The following GRID1 variants were observed in gnomAD, a reference collection of about 807,000 sequenced individuals.
GRID1 encodes glutamate ionotropic receptor delta type subunit 1.
GRID1 carries 28 observed loss-of-function variants against 98.0 expected under a neutral mutation model. The ratio of observed to expected loss-of-function variants is 0.29; its 90% CI spans 0.21 to 0.39. The LOEUF (loss-of-function observed/expected upper bound fraction) is 0.39, where lower values mean the gene tolerates loss of function less well. GRID1 is among the 10% of genes least tolerant of loss of function. The pLI, the probability that GRID1 is intolerant of heterozygous loss-of-function variation, is 1.00. For missense variants in GRID1, 1,111 were observed against 1,340.5 expected (o/e 0.83, Z 2.67); for synonymous variants, 553 against 538.5 (o/e 1.03, Z -0.37).
intron 13 of GRID1, among the ~76,000 whole-genome samples, chr10:85,632,858 C>A (rs866882193): frequency 1.3e-5 from 2 of 152,194 alleles, no homozygotes; most frequent in Non-Finnish European, 2.9e-5. Flanking sequence ...CATGCATTAA[C>A]TATTTATTCT....
Position 86,235,005 on chromosome 10 carries a change from C to T in GRID1, c.236-28357G>A, listed in dbSNP as rs79887425. Among the ~76,000 whole-genome samples, 459 of 152,312 alleles carry T rather than the reference C, an allele frequency of 3.0e-3. 6 individuals are homozygous for T. The East Asian group carries it at 0.047, about 16-fold the overall frequency. ...GCACAGTGGAGGGGAGAAAGCTCCA[C>T]GGACGTGCATGCAGATAGACTTTTT... is the stretch of plus-strand genomic sequence containing the variant. On this transcript the variant is annotated intron_variant, in intron 2 of 15. Coordinates refer to ENST00000327946, the MANE Select transcript of GRID1 (RefSeq NM_017551.3).
Position 85,723,155 on chromosome 10 carries a change from A to G in GRID1, c.1859-14T>C, listed in dbSNP as rs200651071. ...AAGATTCGCCACCTGCGGGAGGCAG[A>G]CAAAGTGGATTGGCCAGTGGCTTCT... On this transcript the variant is annotated splice_polypyrimidine_tract_variant and intron_variant, in intron 11 of 15. Transcript: ENST00000327946. 388 of 1,601,154 alleles carry G rather than the reference A, an allele frequency of 2.4e-4. No individual in the cohort carries two copies. The highest frequency in any genetic ancestry group is 3.0e-4 in the Non-Finnish European group (353 of 1,173,292).
chr10:85,953,727 T>C (rs530159167), intron 4 of GRID1, among the ~76,000 whole-genome samples: 1 of 152,330 alleles, frequency 6.6e-6, no homozygotes, highest in South Asian at 2.1e-4. Context: ...ATAGGTAGTC[T>C]CTGATGTGCA....
intron 2 of GRID1, among the ~76,000 whole-genome samples, chr10:86,342,526 G>A (rs1848323481): frequency 6.6e-6 from 1 of 152,248 alleles, no homozygotes; most frequent in South Asian, 2.1e-4. Flanking sequence ...CCAGTTAAGG[G>A]GCTGGCTGGG....
At chr10:86,025,021 C>T (rs1464983605) in intron 4 of GRID1, among the ~76,000 whole-genome samples, 2 of 152,202 alleles carry the variant, frequency 1.3e-5, no homozygotes, top group Admixed American at 1.3e-4. Context: ...CCCAACCACA[C>T]ACATGGTTTG....
At chr10:86,276,833 AG>A (rs542189892) in intron 2 of GRID1, among the ~76,000 whole-genome samples, 95 of 152,264 alleles carry the variant, frequency 6.2e-4, no homozygotes, top group African/African-American at 2.1e-3. Flanking sequence ...AAATCAAGGC[AG>A]AAAGCAGTGG....
At chr10:85,640,848 G>T (rs1466809941) in intron 13 of GRID1, among the ~76,000 whole-genome samples, 1 of 152,218 alleles carries the variant, frequency 6.6e-6, no homozygotes, top group African/African-American at 2.4e-5. Context: ...AATAAGATTT[G>T]CGGGCCCATT....
chr10:85,985,861 C>T (rs868732318), intron 4 of GRID1, among the ~76,000 whole-genome samples: 33 of 152,146 alleles, frequency 2.2e-4, no homozygotes, highest in Admixed American at 4.6e-4. Flanking sequence ...TGTGTTGTTT[C>T]CCCAAAGTCA....
At chr10:86,131,138 G>C (rs540131723) in intron 4 of GRID1, among the ~76,000 whole-genome samples, 65 of 152,214 alleles carry the variant, frequency 4.3e-4, no homozygotes, top group Non-Finnish European at 8.2e-4. Flanking sequence ...TACCAATTTA[G>C]ATAATCTCTC....
intron 15 of GRID1, among the ~76,000 whole-genome samples, chr10:85,611,072 T>C (rs534347035): frequency 6.6e-6 from 1 of 152,334 alleles, no homozygotes; most frequent in Non-Finnish European, 1.5e-5. Context: ...TAGGATGTTT[T>C]ACCGGCAAGA....
chr10:85,610,858 C>T (rs1842725026), intron 15 of GRID1, among the ~76,000 whole-genome samples: 1 of 152,202 alleles, frequency 6.6e-6, no homozygotes, highest in Non-Finnish European at 1.5e-5. Flanking sequence ...CATTTCCATG[C>T]AACCCTTCTT....
chr10:86,300,067 C>A (rs371703952), intron 2 of GRID1, among the ~76,000 whole-genome samples: 2 of 152,202 alleles, frequency 1.3e-5, no homozygotes, highest in African/African-American at 4.8e-5. Context: ...GGCCTTACAT[C>A]CAACACCTGG....
At chr10:86,071,719 G>A (rs981359816) in intron 4 of GRID1, among the ~76,000 whole-genome samples, 1 of 152,254 alleles carries the variant, frequency 6.6e-6, no homozygotes, top group South Asian at 2.1e-4. Context: ...GGGGAGGTGG[G>A]GCAAGTGCAG....
chr10:86,312,570 A>C (rs1246454110), intron 2 of GRID1, among the ~76,000 whole-genome samples: 1 of 152,252 alleles, frequency 6.6e-6, no homozygotes, highest in Non-Finnish European at 1.5e-5. Flanking sequence ...AATAGGAAGC[A>C]GTGGGTGCCA....
chr10:85,628,410 G>T (rs1842936146), intron 13 of GRID1, among the ~76,000 whole-genome samples: 1 of 151,992 alleles, frequency 6.6e-6, no homozygotes, highest in Admixed American at 6.6e-5. Context: ...ATGTGTGAGT[G>T]TATGAGTATG....
chr10:86,326,208 C>G (rs1848048425), intron 2 of GRID1, among the ~76,000 whole-genome samples: 1 of 152,166 alleles, frequency 6.6e-6, no homozygotes, highest in African/African-American at 2.4e-5. Flanking sequence ...GAAAAACATA[C>G]AACTTTACTA....
At chr10:85,981,585 T>C (rs1442438354) in intron 4 of GRID1, among the ~76,000 whole-genome samples, 5 of 152,332 alleles carry the variant, frequency 3.3e-5, no homozygotes, top group Non-Finnish European at 7.3e-5. Flanking sequence ...GGCAGGCTGA[T>C]GTCCTTACCC....
intron 4 of GRID1, among the ~76,000 whole-genome samples, chr10:86,091,932 G>C (rs1211145590): frequency 6.6e-6 from 1 of 152,066 alleles, no homozygotes; most frequent in Admixed American, 6.6e-5. Context: ...CACAGGAAAA[G>C]GGGGAGAGTA....
intron 12 of GRID1, among the ~76,000 whole-genome samples, chr10:85,718,431 G>A (rs1488078935): frequency 6.6e-6 from 1 of 152,370 alleles, no homozygotes; most frequent in East Asian, 1.9e-4. Flanking sequence ...CCTAGCAGAG[G>A]TTCTCCATGA....
Sources: allele counts gnomAD v4.1 joint callset (sites outside exome capture counted in the v4.1 genomes callset), GRCh38; gene constraint gnomAD v4.1.1; transcripts MANE v1.5; gene names NCBI Gene and HGNC (gene_info 2026-07-23, HGNC 2026-07-21).